The following IRAG1 variants were observed in gnomAD, a reference collection of about 807,000 sequenced individuals.
The protein encoded by IRAG1 is inositol 1,4,5-triphosphate receptor associated 1.
In IRAG1, 62 loss-of-function variants were observed where a neutral mutation model predicts 106.2. The observed-to-expected ratio is 0.58, with a 90% CI of 0.48 to 0.72. IRAG1 has a LOEUF of 0.72. Ranked by LOEUF, IRAG1 falls within the 30% of genes least tolerant of loss-of-function variation. The pLI is 0.00. For synonymous variants in IRAG1, 462 were observed against 443.9 expected (o/e 1.04, Z -0.51); for missense variants, 1,064 against 1,140.7 (o/e 0.93, Z 0.97).
At chr11:10,621,687 T>C (rs1855847761) in intron 10 of IRAG1, among the ~76,000 whole-genome samples, 1 of 152,238 alleles carries the variant, frequency 6.6e-6, no homozygotes, top group Non-Finnish European at 1.5e-5. Context: ...CAAGAATCCC[T>C]GCCCCTCTTA....
At chr11:10,579,917 C>A (rs2134076731) in intron 20 of IRAG1, among the ~76,000 whole-genome samples, 1 of 152,304 alleles carries the variant, frequency 6.6e-6, no homozygotes, top group Admixed American at 6.5e-5. Context: ...GTATTTCCAA[C>A]CTAAAGTGAA....
chr11:10,581,905 C>G lies in IRAG1; in HGVS notation c.2322G>C (p.Glu774Asp), dbSNP rs969794510. The G allele has an allele frequency of 6.2e-7, 1 of 1,613,942 alleles. No homozygotes were observed. Among genetic ancestry groups the G allele is most frequent in the African/African-American group, 1.3e-5 (1 of 75,046 alleles). The change falls in exon 19 of 21, where the codon GAG (glutamate) becomes GAC (aspartate). Residue 774 changes from glutamate (E) to aspartate (D), a missense_variant. By Grantham distance (45) the Glu-to-Asp change is conservative. Coordinates refer to ENST00000423302, the MANE Select transcript of IRAG1 (RefSeq NM_130385.4). ...TLSCLEELSQ[E>D]TKARMEEEAY... ...CTTCTTCCTCCATCCTGGCCTTGGTCTCCTGACTAAGCTCCTCCAGGCAGC... is the reference window on the plus strand; with the variant it reads ...CTTCTTCCTCCATCCTGGCCTTGGTGTCCTGACTAAGCTCCTCCAGGCAGC...
At chr11:10,641,206 G>A (rs1220447948) in intron 2 of IRAG1, among the ~76,000 whole-genome samples, 1 of 152,182 alleles carries the variant, frequency 6.6e-6, no homozygotes, top group African/African-American at 2.4e-5. Flanking sequence ...AGCCCTAGAT[G>A]GCAAGCCTGT....
At chr11:10,612,236 G>A (rs1485307235) in intron 10 of IRAG1, among the ~76,000 whole-genome samples, 2 of 152,074 alleles carry the variant, frequency 1.3e-5, no homozygotes, top group African/African-American at 4.8e-5. Flanking sequence ...ATAAACCTAC[G>A]GACAGCTTGT....
chr11:10,609,794 T>C lies in IRAG1; in HGVS notation c.1505A>G (p.Asp502Gly). Residue 502 changes from aspartate to glycine, a missense_variant, in exon 11 of 21, where the codon GAT (aspartate) becomes GGT (glycine). Asp to Gly is a moderately conservative substitution (Grantham distance 94, BLOSUM62 -1). Transcript: ENST00000423302. ...IEEEESKSGLDVMPNISDVLL... is the reference protein window; with the variant it reads ...IEEEESKSGLGVMPNISDVLL... The stretch of plus-strand genomic sequence containing the variant: ...CACATCAGAAATATTAGGCATGACA[T>C]CTAAGCCACTCTTTGACTCTTCTTC... 6.2e-7 allele frequency: 1 copy of C among 1,613,926 alleles called. No individual in the cohort carries two copies. The highest frequency in any genetic ancestry group is 8.5e-7 in the Non-Finnish European group (1 of 1,179,868).
At chr11:10,613,536 T>A (rs1035690663) in intron 10 of IRAG1, among the ~76,000 whole-genome samples, 1 of 152,206 alleles carries the variant, frequency 6.6e-6, no homozygotes, top group Non-Finnish European at 1.5e-5. Flanking sequence ...AAACAAGACA[T>A]AAATCGAATA....
rs1388104771 is a variant in IRAG1 at position 10,628,706 on chromosome 11, A to G, written c.652+45T>C. ...ATCTGTCCAGGCTGAGCTGCCACCC[A>G]GAGCGAGAGGCAGGGCAGGAAGTCC... On this transcript the variant is annotated intron_variant, in intron 6 of 20. Coordinates refer to ENST00000423302, the MANE Select transcript of IRAG1 (RefSeq NM_130385.4). The surrounding 1 kb of genome is among the most constrained non-coding windows in gnomAD (Gnocchi z 4.1). 2 of 1,447,706 alleles carry G rather than the reference A, an allele frequency of 1.4e-6. No individual in the cohort carries two copies. Among genetic ancestry groups the G allele is most frequent in the East Asian group, 2.7e-5 (1 of 37,098 alleles). The allele number at this position is 1,447,706 out of a possible 1,614,324, so 89.7% of individuals were successfully genotyped here.
chr11:10,633,396 T>A (rs1166691133), intron 3 of IRAG1, among the ~76,000 whole-genome samples: 1 of 152,180 alleles, frequency 6.6e-6, no homozygotes, highest in Non-Finnish European at 1.5e-5. Context: ...TTTTAACTTT[T>A]TGAAAATTAG....
rs1858102854 is a variant in IRAG1, at chr11:10,647,932, C to T, written c.225+4093G>A. On this transcript the variant is annotated intron_variant, in intron 2 of 20. Coordinates refer to ENST00000423302, the MANE Select transcript of IRAG1 (RefSeq NM_130385.4). This position sits in a 1 kb window ranked among gnomAD's most constrained non-coding sequence, Gnocchi z 4.3. ...CTTTCTGCATCTGTAGGATTTCACC[C>T]CACTATAGGTTGTATGGAGGGCAGA... Among the ~76,000 whole-genome samples, 1 of 152,150 alleles carries T rather than the reference C, an allele frequency of 6.6e-6. No homozygotes were observed.
Position 10,575,332 on chromosome 11 carries a change from C to T in IRAG1, c.*1000G>A, listed in dbSNP as rs982131786. On this transcript the variant is annotated 3_prime_UTR_variant, in exon 21 of 21. Transcript: ENST00000423302. ...CAGAGTAAGAGACTGAAGCAGAAAG[C>T]ACATCTTCTCTCCTCATTCACCTGT... 2 of 152,228 alleles carry T rather than the reference C, an allele frequency of 1.3e-5. No homozygotes were observed. Among genetic ancestry groups the T allele is most frequent in the Non-Finnish European group, 2.9e-5 (2 of 68,038 alleles). 9.4% of individuals were successfully genotyped at this position (152,228 alleles called of 1,614,324 possible). A position where few individuals can be genotyped will look rare whatever the true frequency, so the allele number is the denominator to read the frequency against.
At chr11:10,602,688 A>T (rs963358942) in intron 14 of IRAG1, among the ~76,000 whole-genome samples, 5 of 152,326 alleles carry the variant, frequency 3.3e-5, no homozygotes, top group Admixed American at 3.3e-4. Flanking sequence ...TTCCTAAAGT[A>T]TGTTTTGTCA....
At chr11:10,661,843 T>C (rs1589938542) in intron 1 of IRAG1, among the ~76,000 whole-genome samples, 1 of 152,214 alleles carries the variant, frequency 6.6e-6, no homozygotes, top group Non-Finnish European at 1.5e-5. Flanking sequence ...CATAGGTTCC[T>C]GGGTTAGGAT....
chr11:10,669,063 C>A (rs1238413190), intron 1 of IRAG1, among the ~76,000 whole-genome samples: 1 of 152,152 alleles, frequency 6.6e-6, no homozygotes, highest in Non-Finnish European at 1.5e-5. Flanking sequence ...CAAGAGTGTA[C>A]AAATGGATGG....
intron 1 of IRAG1, among the ~76,000 whole-genome samples, chr11:10,658,747 G>A (rs1274610621): frequency 6.8e-6 from 1 of 147,390 alleles, no homozygotes; most frequent in Non-Finnish European, 1.5e-5. Context: ...TCCCAGGTCC[G>A]TGCTGTGGTC....
In IRAG1 at chr11:10,633,665, T is replaced by A. The variant is rs150718578; in HGVS notation, c.329+303A>T. Among the ~76,000 whole-genome samples the A allele has an allele frequency of 2.7e-3, 418 of 152,278 alleles. 3 individuals are homozygous for A. The highest frequency in any genetic ancestry group is 9.5e-3 in the African/African-American group (395 of 41,556). On this transcript the variant is annotated intron_variant, in intron 3 of 20. Coordinates refer to ENST00000423302, the MANE Select transcript of IRAG1 (RefSeq NM_130385.4). ...CCCTTTCCATGGGGGAACAAGTCCT[T>A]CTGGGGCCCCTGGGCATTAAATGTT...
intron 4 of IRAG1, among the ~76,000 whole-genome samples, chr11:10,631,425 C>G (rs1413266604): frequency 6.6e-6 from 1 of 152,244 alleles, no homozygotes; most frequent in Non-Finnish European, 1.5e-5. Flanking sequence ...CTAAAACTTC[C>G]TCTCCTCAGA....
At chr11:10,689,490 G>A (rs1306248052) in intron 1 of IRAG1, among the ~76,000 whole-genome samples, 1 of 152,192 alleles carries the variant, frequency 6.6e-6, no homozygotes, top group Non-Finnish European at 1.5e-5. Flanking sequence ...TGCAGAACAA[G>A]CTCACACCTT....
At position 10,647,361 on chromosome 11, in the gene IRAG1, C is replaced by T. The variant is rs1474036580; in HGVS notation, c.225+4664G>A. ...GGGAATGATAATACCTACCGTAAGG[C>T]TAATTATATGTTAAATGAGTTAATA... On this transcript the variant is annotated intron_variant, in intron 2 of 20. Transcript: ENST00000423302. This position sits in a 1 kb window ranked among gnomAD's most constrained non-coding sequence, Gnocchi z 4.3. Among the ~76,000 whole-genome samples the T allele has an allele frequency of 6.6e-6, 1 of 152,196 alleles. No homozygotes were observed. Among genetic ancestry groups the T allele is most frequent in the East Asian group, 1.9e-4 (1 of 5,196 alleles).
Position 10,693,548 on chromosome 11 carries a change from T to G in IRAG1, c.55A>C (p.Asn19His), listed in dbSNP as rs1382157387. The G allele has an allele frequency of 6.5e-7, 1 of 1,535,482 alleles. No homozygotes were observed. The highest frequency in any genetic ancestry group is 8.7e-7 in the Non-Finnish European group (1 of 1,146,872). The change falls in exon 1 of 21, where the codon AAC becomes CAC. Residue 19 changes from asparagine to histidine, a missense_variant. Asn to His is a moderately conservative substitution (Grantham distance 68). Coordinates refer to ENST00000423302, the MANE Select transcript of IRAG1 (RefSeq NM_130385.4). ...ERLARGGKENNSVLACGAQAS... is the reference protein window; with the variant it reads ...ERLARGGKENHSVLACGAQAS... ...AGGGGAGGCTTACCTAAAACTGAGT[T>G]ATTCTCCTTTCCTCCTCTGGCCAGC...
Sources: gnomAD v4.1 joint callset for allele counts (sites outside exome capture counted in the v4.1 genomes callset) on GRCh38, gnomAD v4.1.1 for gene constraint, Gnocchi (gnomAD v3.1) non-coding constraint, MANE v1.5 for transcripts, NCBI Gene and HGNC (gene_info 2026-07-23, HGNC 2026-07-21) for gene names.